PLA1A: variants seen among roughly 807,000 people sequenced by gnomAD.
The protein encoded by PLA1A is phosphatidylserine-specific phospholipase A1alpha.
In PLA1A, 47 loss-of-function variants were observed where a neutral mutation model predicts 49.4. The observed-to-expected ratio is 0.95, with a 90% CI of 0.75 to 1.21. The LOEUF (loss-of-function observed/expected upper bound fraction) is 1.21, where lower values mean the gene tolerates loss of function less well. PLA1A is among the 50% of genes most tolerant of loss of function. The pLI, the probability that PLA1A is intolerant of heterozygous loss-of-function variation, is 0.00. For synonymous variants in PLA1A, 224 were observed against 207.9 expected (o/e 1.08, Z -0.67); for missense variants, 561 against 563.9 (o/e 0.99, Z 0.05).
chr3:119,614,013 T>C (rs976932048), intron 5 of PLA1A, among the ~76,000 whole-genome samples: 4 of 152,322 alleles, frequency 2.6e-5, no homozygotes, highest in South Asian at 4.1e-4. Flanking sequence ...GCGGGGGCAT[T>C]CCTCTTCATG....
At chr3:119,622,743 T>C (rs568699013) in intron 8 of PLA1A, among the ~76,000 whole-genome samples, 18 of 151,536 alleles carry the variant, frequency 1.2e-4, no homozygotes, top group Non-Finnish European at 1.8e-4. Flanking sequence ...ACTAAAGTGA[T>C]TGCAAAATGC....
intron 1 of PLA1A, among the ~76,000 whole-genome samples, chr3:119,602,323 G>A (rs1428934069): frequency 6.6e-6 from 1 of 151,980 alleles, no homozygotes; most frequent in African/African-American, 2.4e-5. Flanking sequence ...ATTCCTTTAT[G>A]CTATAGTTTT....
Position 119,619,549 on chromosome 3 carries a change from T to G in PLA1A, c.923-14T>G. On this transcript the variant is annotated splice_polypyrimidine_tract_variant and intron_variant, in intron 7 of 10. Coordinates refer to ENST00000273371, the MANE Select transcript of PLA1A (RefSeq NM_015900.4). ...CTTCTCAGGACTCTGCTGTCTTTGCTTCTTTATTTCCAGGACTGGTGGAAC... is the reference window on the plus strand; with the variant it reads ...CTTCTCAGGACTCTGCTGTCTTTGCGTCTTTATTTCCAGGACTGGTGGAAC... 6.2e-7 allele frequency: 1 copy of G among 1,601,472 alleles called. No homozygotes were observed. Among genetic ancestry groups the G allele is most frequent in the African/African-American group, 1.3e-5 (1 of 74,762 alleles).
At chr3:119,613,622 G>A (rs58020513) in intron 5 of PLA1A, among the ~76,000 whole-genome samples, 38,286 of 152,180 alleles carry the variant, frequency 0.25, 6,229 homozygotes, top group East Asian at 0.47. Context: ...GGCCGGGCAC[G>A]GTGGCTCACG....
chr3:119,617,614 G>T (rs537927030), intron 6 of PLA1A, among the ~76,000 whole-genome samples: 1 of 152,014 alleles, frequency 6.6e-6, no homozygotes, highest in African/African-American at 2.4e-5. Context: ...ATGGTGGTGT[G>T]CGCCTGTAAT....
chr3:119,611,599 C>T (rs2082765182), intron 4 of PLA1A, among the ~76,000 whole-genome samples: 1 of 151,852 alleles, frequency 6.6e-6, no homozygotes, highest in African/African-American at 2.4e-5. Context: ...TTCCTAGGTA[C>T]TTTATTTTTG....
chr3:119,610,417 GC>G (rs1432816452), intron 4 of PLA1A, among the ~76,000 whole-genome samples: 3 of 152,148 alleles, frequency 2.0e-5, no homozygotes, highest in African/African-American at 7.2e-5. Context: ...TTCCATAGTG[GC>G]TGAACTTATT....
intron 8 of PLA1A, among the ~76,000 whole-genome samples, chr3:119,621,957 G>A (rs887829107): frequency 1.1e-4 from 17 of 152,084 alleles, no homozygotes; most frequent in African/African-American, 3.6e-4. Flanking sequence ...AGTGGCTCAC[G>A]TCTCTAATCC....
At chr3:119,622,131 G>GGAGAAGGAGAAGGAGAA (rs60462942) in intron 8 of PLA1A, among the ~76,000 whole-genome samples, 3 of 113,272 alleles carry the variant, frequency 2.6e-5, no homozygotes, top group African/African-American at 1.1e-4. Context: ...GAGAAGAAGA[G>GGAGAAGGAGAAGGAGAA]GAAGAGGAGG....
At chr3:119,599,873 A>C (rs917094692) in intron 1 of PLA1A, among the ~76,000 whole-genome samples, 1 of 152,174 alleles carries the variant, frequency 6.6e-6, no homozygotes, top group Non-Finnish European at 1.5e-5. Context: ...TGTCAACAGC[A>C]ACAATATTTA....
intron 2 of PLA1A, among the ~76,000 whole-genome samples, chr3:119,607,538 G>T (rs1577139671): frequency 6.6e-6 from 1 of 152,212 alleles, no homozygotes; most frequent in Admixed American, 6.5e-5. Context: ...AAGAGGGAGA[G>T]AATATGGTAA....
intron 8 of PLA1A, 46 bp from the exon 9 acceptor site, chr3:119,625,078 C>T (rs781776994): frequency 6.3e-6 from 8 of 1,262,236 alleles, no homozygotes; most frequent in Non-Finnish European, 9.3e-6. Flanking sequence ...TTGCCCATTG[C>T]ACCTTCTGCC....
In PLA1A at chr3:119,600,806, C is replaced by G. The variant is rs149393068; in HGVS notation, c.73+2820C>G. Among the ~76,000 whole-genome samples, 1,333 of 152,346 alleles carry G rather than the reference C, an allele frequency of 8.7e-3. 13 individuals are homozygous for G. The highest frequency in any genetic ancestry group is 0.027 in the Middle Eastern group (8 of 294). On this transcript the variant is annotated intron_variant, in intron 1 of 10. Transcript: ENST00000273371. The stretch of plus-strand genomic sequence containing the variant: ...CCACAGGTCATCTGATAGCACAGCT[C>G]TGTCTGTGGGGAGCCCAGGGCTCAA...
At chr3:119,606,398 C>G (rs959324029) in intron 1 of PLA1A, among the ~76,000 whole-genome samples, 2 of 152,114 alleles carry the variant, frequency 1.3e-5, no homozygotes, top group South Asian at 4.1e-4. Flanking sequence ...TCTTTTTAAC[C>G]TTTGTGAAGA....
chr3:119,608,252 GA>G (rs1446081512), intron 2 of PLA1A, among the ~76,000 whole-genome samples: 1 of 120,428 alleles, frequency 8.3e-6, no homozygotes, highest in African/African-American at 3.0e-5. Context: ...GAGAAAGAAA[GA>G]AAGAAAGAAA....
intron 8 of PLA1A, among the ~76,000 whole-genome samples, chr3:119,620,835 A>G (rs541192608): frequency 1.2e-3 from 178 of 152,280 alleles, no homozygotes; most frequent in Middle Eastern, 3.4e-3. Flanking sequence ...CAACAACCCA[A>G]CTGGGAGACT....
chr3:119,598,981 G>A (rs911074165), intron 1 of PLA1A, among the ~76,000 whole-genome samples: 2 of 152,166 alleles, frequency 1.3e-5, no homozygotes, highest in Admixed American at 6.5e-5. Context: ...AAAAGGTGAG[G>A]ATTTGAGGCT....
intron 1 of PLA1A, among the ~76,000 whole-genome samples, chr3:119,602,157 G>A (rs1227488142): frequency 6.6e-6 from 1 of 151,862 alleles, no homozygotes; most frequent in African/African-American, 2.4e-5. Context: ...TTGCACTTTT[G>A]GTACTTCGGA....
chr3:119,604,283 T>C (rs935108533), intron 1 of PLA1A, among the ~76,000 whole-genome samples: 1 of 152,152 alleles, frequency 6.6e-6, no homozygotes, highest in Non-Finnish European at 1.5e-5. Context: ...GAAGTCAGTA[T>C]ATCAAAGAGA....
Sources: allele counts gnomAD v4.1 joint callset (sites outside exome capture counted in the v4.1 genomes callset), GRCh38; gene constraint gnomAD v4.1.1; transcripts MANE v1.5; gene names NCBI Gene and HGNC (gene_info 2026-07-23, HGNC 2026-07-21).